The following FHL5 variants were observed in gnomAD, a reference collection of about 807,000 sequenced individuals.
FHL5 encodes four and a half LIM domains 5.
FHL5 carries 33 observed loss-of-function variants against 32.0 expected under a neutral mutation model. The observed-to-expected ratio is 1.03, with a 90% CI of 0.78 to 1.38. The LOEUF (loss-of-function observed/expected upper bound fraction) is 1.38, where lower values mean the gene tolerates loss of function less well. Among genes scored for constraint, FHL5 ranks in the 40% most tolerant of loss-of-function variants. The probability of loss-of-function intolerance (pLI) is 0.00; values close to 1 mark genes in which losing one functional copy is unlikely to be tolerated. For missense variants in FHL5, 336 were observed against 343.9 expected (o/e 0.98, Z 0.18); for synonymous variants, 114 against 113.6 (o/e 1.00, Z -0.02).
At chr6:96,611,489 T>A (rs949422620) in intron 5 of FHL5, among the ~76,000 whole-genome samples, 1 of 152,178 alleles carries the variant, frequency 6.6e-6, no homozygotes, top group African/African-American at 2.4e-5. Flanking sequence ...GCTAATCCTA[T>A]AATAAAGGAA....
intron 1 of FHL5, among the ~76,000 whole-genome samples, chr6:96,601,688 C>T (rs1446669892): frequency 6.6e-6 from 1 of 152,156 alleles, no homozygotes; most frequent in Non-Finnish European, 1.5e-5. Flanking sequence ...ACATCTAAAA[C>T]TAAAATAAAT....
chr6:96,599,194 T>C (rs1771097748), intron 1 of FHL5, among the ~76,000 whole-genome samples: 2 of 141,182 alleles, frequency 1.4e-5, no homozygotes, highest in Admixed American at 7.0e-5. Flanking sequence ...CTTACATCTT[T>C]TTTTTTTTTT....
intron 1 of FHL5, among the ~76,000 whole-genome samples, chr6:96,583,754 TA>T (rs1770741475): frequency 6.6e-6 from 1 of 152,002 alleles, no homozygotes. Context: ...ACAGAAAAAG[TA>T]AAAAACTCTC....
At position 96,603,593 on chromosome 6, in the gene FHL5, C is replaced by T; in HGVS notation, c.-12-9C>T. The T allele has an allele frequency of 6.2e-7, 1 of 1,600,202 alleles. No individual in the cohort carries two copies. Among genetic ancestry groups the T allele is most frequent in the East Asian group, 2.2e-5 (1 of 44,550 alleles). ...CTTTTATATACATTAATCACTTTGT[C>T]ATTCATAGGATCAAACCAAAATGAC... On this transcript the variant is annotated splice_polypyrimidine_tract_variant and intron_variant, in intron 1 of 5. Coordinates refer to ENST00000450218, the MANE Select transcript of FHL5 (RefSeq NM_001322466.2).
At chr6:96,571,709 G>C (rs2127959281) in intron 1 of FHL5, among the ~76,000 whole-genome samples, 1 of 152,236 alleles carries the variant, frequency 6.6e-6, no homozygotes, top group Admixed American at 6.5e-5. Flanking sequence ...GCACTGGCCT[G>C]ACTCCAGGGA....
At position 96,617,531 on chromosome 6, in the gene FHL5, A is replaced by T. The variant is rs1404295841; in HGVS notation, c.*1759A>T. On this transcript the variant is annotated 3_prime_UTR_variant, in exon 6 of 6. Coordinates refer to ENST00000450218, the MANE Select transcript of FHL5 (RefSeq NM_001322466.2). ...ATTAACAATGCCAAGGTATTTTTTCATATTCACATTGAAAAATACAGGCAA... is the reference window on the plus strand; with the variant it reads ...ATTAACAATGCCAAGGTATTTTTTCTTATTCACATTGAAAAATACAGGCAA... Among the ~76,000 whole-genome samples the T allele has an allele frequency of 6.6e-6, 1 of 152,212 alleles. No individual in the cohort carries two copies. The highest frequency in any genetic ancestry group is 1.5e-5 in the Non-Finnish European group (1 of 68,020).
chr6:96,593,678 C>T (rs182523686), intron 1 of FHL5, among the ~76,000 whole-genome samples: 1 of 152,224 alleles, frequency 6.6e-6, no homozygotes, highest in Non-Finnish European at 1.5e-5. Flanking sequence ...GTCAGAAGTG[C>T]CATACAGCTT....
At chr6:96,566,901 G>A (rs1027157091) in intron 1 of FHL5, among the ~76,000 whole-genome samples, 1 of 152,010 alleles carries the variant, frequency 6.6e-6, no homozygotes. Flanking sequence ...CTTGTCAGAT[G>A]AATAGTTTGC....
At chr6:96,604,081 G>C (rs1771215828) in intron 2 of FHL5, among the ~76,000 whole-genome samples, 1 of 151,936 alleles carries the variant, frequency 6.6e-6, no homozygotes, top group African/African-American at 2.4e-5. Context: ...TAACCTTCTG[G>C]GTGTGTTTGT....
intron 1 of FHL5, among the ~76,000 whole-genome samples, chr6:96,591,870 G>T (rs775563841): frequency 2.4e-4 from 36 of 152,052 alleles, no homozygotes; most frequent in Admixed American, 9.8e-4. Context: ...ATGTCGATAG[G>T]TTCCGTGATG....
chr6:96,593,184 T>C (rs1770958497), intron 1 of FHL5, among the ~76,000 whole-genome samples: 1 of 152,136 alleles, frequency 6.6e-6, no homozygotes, highest in Non-Finnish European at 1.5e-5. Context: ...CATTTCATTC[T>C]TTTTCATTGT....
chr6:96,602,111 A>G (rs563516900), intron 1 of FHL5, among the ~76,000 whole-genome samples: 2 of 152,304 alleles, frequency 1.3e-5, no homozygotes, highest in South Asian at 2.1e-4. Flanking sequence ...GCATTCAGCA[A>G]GGCTCTCTGC....
intron 1 of FHL5, among the ~76,000 whole-genome samples, chr6:96,583,903 C>G (rs1161115761): frequency 6.6e-6 from 1 of 152,068 alleles, no homozygotes; most frequent in East Asian, 1.9e-4. Flanking sequence ...AAATTCTTAA[C>G]TGTTTTATAT....
chr6:96,596,300 T>C (rs1260195941), intron 1 of FHL5, among the ~76,000 whole-genome samples: 1 of 152,072 alleles, frequency 6.6e-6, no homozygotes, highest in Non-Finnish European at 1.5e-5. Flanking sequence ...GGCAACACAT[T>C]TTATTTTGTT....
intron 1 of FHL5, among the ~76,000 whole-genome samples, chr6:96,566,385 A>C (rs1770358006): frequency 6.6e-6 from 1 of 151,904 alleles, no homozygotes; most frequent in East Asian, 1.9e-4. Context: ...CACTTTTTTT[A>C]ATCCATTCGC....
chr6:96,578,733 T>C (rs1754082935), intron 1 of FHL5, among the ~76,000 whole-genome samples: 1 of 152,024 alleles, frequency 6.6e-6, no homozygotes, highest in African/African-American at 2.4e-5. Context: ...TCCCAGCTAC[T>C]CCGGAGGCTG....
intron 1 of FHL5, among the ~76,000 whole-genome samples, chr6:96,569,811 C>A (rs1000911176): frequency 3.5e-5 from 4 of 114,260 alleles, no homozygotes; most frequent in African/African-American, 1.2e-4. Context: ...TTCTTTTAGG[C>A]AGCATATACT....
Position 96,616,916 on chromosome 6 carries a change from C to T in FHL5, c.*1144C>T, listed in dbSNP as rs898620546. 2.5e-5 allele frequency among the ~76,000 whole-genome samples: 3 copies of T among 119,676 alleles called. No individual in the cohort carries two copies. Among genetic ancestry groups the T allele is most frequent in the African/African-American group, 1.1e-4 (3 of 27,440 alleles). The allele number at this position is 119,676 out of a possible 152,430, so 78.5% of individuals were successfully genotyped here. ...TGTAGGCGAGCCCTCCCCACTCTTC[C>T]CCCACACCTGTGCCACACCCCCCTT... On this transcript the variant is annotated 3_prime_UTR_variant, in exon 6 of 6. Coordinates refer to ENST00000450218, the MANE Select transcript of FHL5 (RefSeq NM_001322466.2).
At chr6:96,577,172 A>T (rs967110226) in intron 1 of FHL5, among the ~76,000 whole-genome samples, 4 of 152,226 alleles carry the variant, frequency 2.6e-5, no homozygotes, top group Admixed American at 6.5e-5. Flanking sequence ...CACCACCAAC[A>T]TCATCAACAA....
Sources: allele counts gnomAD v4.1 joint callset (sites outside exome capture counted in the v4.1 genomes callset), GRCh38; gene constraint gnomAD v4.1.1; transcripts MANE v1.5; gene names NCBI Gene and HGNC (gene_info 2026-07-23, HGNC 2026-07-21).